Variants in YES1 observed in about 807,000 individuals in gnomAD.
YES1 encodes the protein YES proto-oncogene 1, Src family tyrosine kinase, also known as tyrosine-protein kinase Yes.
A neutral mutation model predicts 70.4 loss-of-function variants in YES1; 39 were observed. That is an observed-to-expected ratio of 0.55 (90% CI 0.43 to 0.72). The LOEUF (loss-of-function observed/expected upper bound fraction) is 0.72, where lower values mean the gene tolerates loss of function less well. Ranked by LOEUF, YES1 falls within the 30% of genes least tolerant of loss-of-function variation. YES1 has a pLI of 0.00. For missense variants in YES1, 495 were observed against 644.8 expected, an observed-to-expected ratio of 0.77 and a Z score of 2.52; for synonymous variants, 198 against 218.6, an observed-to-expected ratio of 0.91 and a Z score of 0.83.
chr18:756,886 C>A, intron 1 of YES1, 51 bp from the exon 2 acceptor site: 2 of 1,504,672 alleles, frequency 1.3e-6, no homozygotes, highest in East Asian at 2.3e-5. Context: ...CAGGATACTT[C>A]AAAAAGACAG....
chr18:758,548 G>A (rs1254862805), intron 1 of YES1, among the ~76,000 whole-genome samples: 1 of 151,978 alleles, frequency 6.6e-6, no homozygotes, highest in East Asian at 1.9e-4. Flanking sequence ...AATTGTCTCT[G>A]TTCCAAGTAT....
In YES1 at chr18:742,845, G is replaced by A. The variant is rs2080230966; in HGVS notation, c.1060+73C>T. The A allele has an allele frequency of 3.9e-6, 5 of 1,267,918 alleles. No homozygotes were observed. In the East Asian group the frequency reaches 9.8e-5, roughly 25 times the overall value. 78.5% of individuals were successfully genotyped at this position (1,267,918 alleles called of 1,614,324 possible). ...AATCTTAAATTAGAAAACAGTATAA[G>A]TCTATATGCATACAAATCAAGACTC... On this transcript the variant is annotated intron_variant, in intron 8 of 11. Coordinates refer to ENST00000314574, the MANE Select transcript of YES1 (RefSeq NM_005433.4).
At chr18:765,247 A>AATATATATATAT (rs1568204656) in intron 1 of YES1, among the ~76,000 whole-genome samples, 4 of 62,390 alleles carry the variant, frequency 6.4e-5, no homozygotes, top group African/African-American at 2.3e-4. Context: ...AAGAGTTACA[A>AATATATATATAT]CTATATATAT....
intron 1 of YES1, among the ~76,000 whole-genome samples, chr18:771,249 C>A (rs1026982537): frequency 5.3e-5 from 8 of 152,008 alleles, no homozygotes; most frequent in African/African-American, 1.9e-4. Context: ...TGCCTGTAAT[C>A]CCAGCTACCT....
chr18:756,616 A>C lies in YES1; in HGVS notation c.212T>G (p.Phe71Cys), dbSNP rs1160569400. The change falls in exon 2 of 12, where the codon TTT becomes TGT. Residue 71 changes from phenylalanine to cysteine, a missense_variant. Coordinates refer to ENST00000314574, the MANE Select transcript of YES1 (RefSeq NM_005433.4). ...PFGGSSGVTP[F>C]GGASSSFSVV... ...TGAAAATGAGGAAGATGCACCTCCAAAAGGCGTTACCCCTGAGGATCCTCC... is the reference window on the plus strand; with the variant it reads ...TGAAAATGAGGAAGATGCACCTCCACAAGGCGTTACCCCTGAGGATCCTCC... 2 of 1,614,184 alleles carry C rather than the reference A, an allele frequency of 1.2e-6. No homozygotes were observed. The highest frequency in any genetic ancestry group is 2.2e-5 in the South Asian group (2 of 91,076).
chr18:737,029 G>T, intron 9 of YES1, 68 bp from the exon 10 acceptor site: 1 of 1,289,226 alleles, frequency 7.8e-7, no homozygotes, highest in Non-Finnish European at 1.1e-6. Context: ...AGACAATTAT[G>T]GTTAATATCA....
intron 1 of YES1, among the ~76,000 whole-genome samples, chr18:776,034 C>T (rs957941076): frequency 6.6e-6 from 1 of 152,088 alleles, no homozygotes; most frequent in Non-Finnish European, 1.5e-5. Context: ...CTCCTTGGTA[C>T]GCATGTATGC....
intron 1 of YES1, among the ~76,000 whole-genome samples, chr18:765,591 G>C (rs1215184165): frequency 1.3e-5 from 2 of 151,634 alleles, no homozygotes; most frequent in Admixed American, 1.3e-4. Flanking sequence ...GTAGAGACAC[G>C]GTTTCACCTT....
At chr18:756,945 G>A in intron 1 of YES1, 110 bp from the exon 2 acceptor site, 2 of 1,087,360 alleles carry the variant, frequency 1.8e-6, no homozygotes, top group Non-Finnish European at 2.6e-6. Flanking sequence ...CTGCAAAAAG[G>A]AACATAAACA....
chr18:756,788 T>G lies in YES1; in HGVS notation c.40A>C (p.Ile14Leu). 6.2e-7 allele frequency: 1 copy of G among 1,614,160 alleles called. No homozygotes were observed. The highest frequency in any genetic ancestry group is 1.1e-5 in the South Asian group (1 of 91,086). The change falls in exon 2 of 12, where the codon ATT (isoleucine) becomes CTT (leucine). Residue 14 changes from isoleucine to leucine, a missense_variant. Coordinates refer to ENST00000314574, the MANE Select transcript of YES1 (RefSeq NM_005433.4). ...IKSKENKSPA[I>L]KYRPENTPEP... is the part of the protein sequence containing the mutation. ...GGAGTATTTTCAGGTCTGTATTTAA[T>G]GGCTGGACTTTTGTTTTCTTTACTT...
At position 722,290 on chromosome 18, in the gene YES1, A is replaced by T. The variant is rs150118620; in HGVS notation, c.*2134T>A. ...CCTCTTGGTAGAGAGTGTCAATACTAAGCAGGTTACGTAAACAGAAAAAAC... is the reference window on the plus strand; with the variant it reads ...CCTCTTGGTAGAGAGTGTCAATACTTAGCAGGTTACGTAAACAGAAAAAAC... On this transcript the variant is annotated 3_prime_UTR_variant, in exon 12 of 12. Transcript: ENST00000314574. The T allele has an allele frequency of 1.3e-5, 2 of 152,644 alleles. No homozygotes were observed. Among genetic ancestry groups the T allele is most frequent in the African/African-American group, 2.4e-5 (1 of 41,450 alleles). 9.5% of individuals were successfully genotyped at this position (152,644 alleles called of 1,614,324 possible).
At chr18:750,718 G>A (rs559488955) in intron 3 of YES1, among the ~76,000 whole-genome samples, 44 of 152,268 alleles carry the variant, frequency 2.9e-4, no homozygotes, top group African/African-American at 1.0e-3. Flanking sequence ...GATAAGGACT[G>A]GGCCAGGCAG....
At chr18:738,311 A>G (rs1377979062) in intron 9 of YES1, 1 of 152,196 alleles carries the variant, frequency 6.6e-6, no homozygotes, top group Non-Finnish European at 1.5e-5. Flanking sequence ...TTCACTATAT[A>G]TTTAAAACAA....
chr18:742,870 CTTA>C, intron 8 of YES1, 45 bp downstream of exon 8: 1 of 1,471,364 alleles, frequency 6.8e-7, no homozygotes, highest in Non-Finnish European at 9.1e-7. Context: ...AATCAAGACT[CTTA>C]AAAACATTAT....
chr18:785,203 T>G (rs1042552860), intron 1 of YES1, among the ~76,000 whole-genome samples: 2 of 152,078 alleles, frequency 1.3e-5, no homozygotes, highest in Admixed American at 1.3e-4. Context: ...TTGTATTTTA[T>G]GTGTGGCCCA....
chr18:764,546 G>A (rs558902912), intron 1 of YES1, among the ~76,000 whole-genome samples: 3 of 152,158 alleles, frequency 2.0e-5, no homozygotes, highest in Non-Finnish European at 4.4e-5. Flanking sequence ...TAACCAAGTG[G>A]AGAGTAACAC....
chr18:766,428 G>A (rs912465377), intron 1 of YES1, among the ~76,000 whole-genome samples: 4 of 151,900 alleles, frequency 2.6e-5, no homozygotes, highest in African/African-American at 4.8e-5. Context: ...AGTTAAAACC[G>A]CAAAGGGATA....
At chr18:728,362 T>TA (rs1318140074) in intron 11 of YES1, among the ~76,000 whole-genome samples, 4 of 152,094 alleles carry the variant, frequency 2.6e-5, no homozygotes, top group African/African-American at 9.7e-5. Flanking sequence ...ATACACCTTA[T>TA]ACATATAGCC....
At position 744,715 on chromosome 18, in the gene YES1, T is replaced by TTTA. The variant is rs1555684459; in HGVS notation, c.724+992_724+993insTAA. Among the ~76,000 whole-genome samples, 51 of 144,018 alleles carry TTTA rather than the reference T, an allele frequency of 3.5e-4. 1 individual carries two copies. The highest frequency in any genetic ancestry group is 6.2e-4 in the Non-Finnish European group (41 of 66,508). 94.5% of individuals were successfully genotyped at this position (144,018 alleles called of 152,430 possible). On this transcript the variant is annotated intron_variant, in intron 6 of 11. Transcript: ENST00000314574. The stretch of plus-strand genomic sequence containing the variant: ...TTTTTTTTTTTTTTTTTTTTTTTTT[T>TTTA]AAGAGATGAGGTCTTGCTATGTTGC...
Sources: gnomAD v4.1 joint callset for allele counts (sites outside exome capture counted in the v4.1 genomes callset) on GRCh38, gnomAD v4.1.1 for gene constraint, MANE v1.5 for transcripts, NCBI Gene and HGNC (gene_info 2026-07-23, HGNC 2026-07-21) for gene names.